PMEL: variants seen among roughly 807,000 people sequenced by gnomAD.
The protein encoded by PMEL is premelanosome protein.
Under a neutral mutation model 64.9 loss-of-function variants are expected in PMEL, and 53 were observed. That is an observed-to-expected ratio of 0.82 (90% CI 0.66 to 1.03). The LOEUF (loss-of-function observed/expected upper bound fraction) is 1.03, where lower values mean the gene tolerates loss of function less well. PMEL is among the 50% of genes least tolerant of loss of function. PMEL has a pLI of 0.00. For missense variants in PMEL, 716 were observed against 814.9 expected (o/e 0.88, Z 1.48); for synonymous variants, 299 against 316.2 (o/e 0.95, Z 0.58).
intron 3 of PMEL, among the ~76,000 whole-genome samples, chr12:55,960,803 T>C (rs2136445218): frequency 6.7e-6 from 1 of 149,984 alleles, no homozygotes; most frequent in South Asian, 2.1e-4. Flanking sequence ...CGCCTCGGCC[T>C]CCCGAAGTGC....
At chr12:55,961,757 C>T in intron 1 of PMEL, 25 bp from the exon 2 acceptor site, 3 of 1,479,730 alleles carry the variant, frequency 2.0e-6, no homozygotes, top group Non-Finnish European at 2.8e-6. Flanking sequence ...CCATGAAGGG[C>T]CCTAGGATCC....
At chr12:55,958,368 G>A in intron 4 of PMEL, 105 bp downstream of exon 4, 1 of 1,181,218 alleles carries the variant, frequency 8.5e-7, no homozygotes, top group Non-Finnish European at 1.2e-6. Flanking sequence ...GAAGATTAGA[G>A]AAAATCACAG....
intron 3 of PMEL, among the ~76,000 whole-genome samples, chr12:55,960,991 C>G (rs980736881): frequency 2.4e-4 from 36 of 150,678 alleles, no homozygotes; most frequent in Non-Finnish European, 2.5e-4. Flanking sequence ...ATCACAAGGT[C>G]AGGAGATGGA....
chr12:55,958,777 G>A, intron 3 of PMEL, 170 bp from the exon 4 acceptor site: 1 of 654,118 alleles, frequency 1.5e-6, no homozygotes, highest in Admixed American at 3.1e-5. Flanking sequence ...GGTTGAGGGT[G>A]TGGAAACTAC....
intron 10 of PMEL, 39 bp downstream of exon 10, chr12:55,955,235 A>G: frequency 7.2e-7 from 1 of 1,384,454 alleles, no homozygotes; most frequent in Admixed American, 1.7e-5. Flanking sequence ...AGTGATAATA[A>G]GGGATAAGGG....
At chr12:55,961,233 A>AGGAAG in intron 3 of PMEL, 84 bp downstream of exon 3, 1 of 1,259,288 alleles carries the variant, frequency 7.9e-7, no homozygotes, top group Non-Finnish European at 1.1e-6. Context: ...AAAGTAGAGA[A>AGGAAG]GGAAGGGGCA....
chr12:55,955,246 G>T (rs764511738), intron 10 of PMEL, 28 bp downstream of exon 10: 2 of 1,451,494 alleles, frequency 1.4e-6, no homozygotes, highest in Non-Finnish European at 1.9e-6. Flanking sequence ...GGGATAAGGG[G>T]GTCTGAGCTG....
chr12:55,955,424 C>T (rs1279201176), intron 9 of PMEL, 40 bp downstream of exon 9: 1 of 1,612,664 alleles, frequency 6.2e-7, no homozygotes, highest in African/African-American at 1.3e-5. Flanking sequence ...TGCCCTCTAT[C>T]CACTCCCTTC....
intron 6 of PMEL, 42 bp downstream of exon 6, chr12:55,956,907 G>C: frequency 6.3e-7 from 1 of 1,590,626 alleles, no homozygotes; most frequent in Non-Finnish European, 8.6e-7. Flanking sequence ...GTAGAGTAGG[G>C]TACCCCACCT....
rs1888912580 is a variant in PMEL at position 55,957,087 on chromosome 12, A to G, written c.1216T>C (p.Ser406Pro). ...EATGMTPAEV[S>P]IVVLSGTTAA... Reference sequence around the variant, plus strand: ...GTGGTTCCAGAAAGCACCACAATTGATACCTCTGCAGGTGTCATACCTGTA... The same window carrying G: ...GTGGTTCCAGAAAGCACCACAATTGGTACCTCTGCAGGTGTCATACCTGTA... Residue 406 changes from serine (S) to proline (P), a missense_variant, in exon 6 of 11, where the codon TCA becomes CCA. Physicochemically the swap from Ser to Pro is moderately conservative, Grantham distance 74. Transcript: ENST00000548747. The G allele has an allele frequency of 6.2e-7, 1 of 1,614,172 alleles. No homozygotes were observed. Among genetic ancestry groups the G allele is most frequent in the Admixed American group, 1.7e-5 (1 of 60,030 alleles).
At chr12:55,962,833 T>C (rs1212074814) in intron 1 of PMEL, among the ~76,000 whole-genome samples, 1 of 151,808 alleles carries the variant, frequency 6.6e-6, no homozygotes, top group Non-Finnish European at 1.5e-5. Context: ...GCCTCGCCTG[T>C]TTTGTTTTAA....
chr12:55,955,236 G>T, intron 10 of PMEL, 38 bp downstream of exon 10: 2 of 1,387,878 alleles, frequency 1.4e-6, no homozygotes, highest in South Asian at 1.2e-5. Context: ...GTGATAATAA[G>T]GGATAAGGGG....
chr12:55,956,133 C>G lies in PMEL; in HGVS notation c.1441G>C (p.Gly481Arg). Residue 481 changes from glycine (G) to arginine (R), a missense_variant, in exon 7 of 11, where the codon GGT becomes CGT. Physicochemically the swap from Gly to Arg is moderately radical, Grantham distance 125. Transcript: ENST00000548747. Reference protein sequence around the residue: ...VPLDCVLYRYGSFSVTLDIVQ... With the variant: ...VPLDCVLYRYRSFSVTLDIVQ... The stretch of plus-strand genomic sequence containing the variant: ...ATGTCCAGGGTGACGGAAAAGGAAC[C>G]ATATCGATACAGAACACAATCCAGG... 1 of 1,613,766 alleles carries G rather than the reference C, an allele frequency of 6.2e-7. No homozygotes were observed. Among genetic ancestry groups the G allele is most frequent in the Non-Finnish European group, 8.5e-7 (1 of 1,179,640 alleles).
intron 1 of PMEL, among the ~76,000 whole-genome samples, chr12:55,962,198 T>C (rs145984277): frequency 0.038 from 5,833 of 151,618 alleles, 356 homozygotes; most frequent in African/African-American, 0.13. Flanking sequence ...GTAATCCCAG[T>C]ACTTTGGGAG....
In PMEL at chr12:55,957,655, G is replaced by A. The variant is rs201166316; in HGVS notation, c.648C>T (p.Ser216=). Residue 216 remains serine (S), a synonymous_variant, in exon 6 of 11, where the codon TCC becomes TCT. Coordinates refer to ENST00000548747, the MANE Select transcript of PMEL (RefSeq NM_001384361.1). ...AGGCCCGCAACTGGGACACGCTCAC[G>A]GAGAAAGGCACCTGGTCTGGGATTG... is the stretch of plus-strand genomic sequence containing the variant. The part of the protein sequence containing the change: ...AFTITDQVPF[S]VSVSQLRALD... 66 of 1,611,144 alleles carry A rather than the reference G, an allele frequency of 4.1e-5. No homozygotes were observed. The Admixed American group carries it at 4.2e-4, about 10-fold the overall frequency.
chr12:55,958,476 A>G lies in PMEL; in HGVS notation c.466T>C (p.Trp156Arg), dbSNP rs565749842. The part of the protein sequence containing the change: ...KRSFVYVWKT[W>R]GQYWQVLGGP... Reference sequence around the variant, plus strand: ...GGCTGAGAAGGGAGTCCCTCACCCCAGGTCTTCCAGACATAAACAAAGCTT... The same window carrying G: ...GGCTGAGAAGGGAGTCCCTCACCCCGGGTCTTCCAGACATAAACAAAGCTT... Residue 156 changes from tryptophan (W) to arginine (R), a missense_variant, in exon 4 of 11, where the codon TGG becomes CGG. Coordinates refer to ENST00000548747, the MANE Select transcript of PMEL (RefSeq NM_001384361.1). 4.3e-6 allele frequency: 7 copies of G among 1,613,916 alleles called. No individual in the cohort carries two copies. In the South Asian group the frequency reaches 6.6e-5, roughly 15 times the overall value.
chr12:55,958,421 A>G, intron 4 of PMEL, 52 bp downstream of exon 4: 1 of 1,569,120 alleles, frequency 6.4e-7, no homozygotes, highest in Non-Finnish European at 8.7e-7. Context: ...GTGATCAGGT[A>G]GAAAGAAGTA....
chr12:55,962,852 A>G (rs1433884253), intron 1 of PMEL, among the ~76,000 whole-genome samples: 1 of 151,930 alleles, frequency 6.6e-6, no homozygotes, highest in East Asian at 2.0e-4. Context: ...AAATCAAGAC[A>G]TAATTCACAT....
At chr12:55,961,275 C>T (rs1235445508) in intron 3 of PMEL, 42 bp downstream of exon 3, 1 of 1,599,968 alleles carries the variant, frequency 6.3e-7, no homozygotes, top group Non-Finnish European at 8.6e-7. Context: ...ACCAGGGAAC[C>T]TGAGCCCTAG....
Sources: allele counts gnomAD v4.1 joint callset (sites outside exome capture counted in the v4.1 genomes callset), GRCh38; gene constraint gnomAD v4.1.1; transcripts MANE v1.5; gene names NCBI Gene and HGNC (gene_info 2026-07-23, HGNC 2026-07-21).